Variants in PLAGL1 observed in about 807,000 individuals in gnomAD.
PLAGL1 encodes zinc finger protein PLAGL1.
In PLAGL1, 1 loss-of-function variant was observed where a neutral mutation model predicts 4.6. That is an observed-to-expected ratio of 0.22 (90% CI 0.08 to 1.03). The LOEUF (loss-of-function observed/expected upper bound fraction) is 1.03. PLAGL1 is among the 50% of genes least tolerant of loss of function. The probability of loss-of-function intolerance (pLI) is 0.58; values close to 1 mark genes in which losing one functional copy is unlikely to be tolerated. For missense variants in PLAGL1, 464 were observed against 570.4 expected, an observed-to-expected ratio of 0.81 and a Z score of 1.90; for synonymous variants, 240 against 237.8, an observed-to-expected ratio of 1.01 and a Z score of -0.08.
Position 144,050,763 on chromosome 6 carries a change from G to T in PLAGL1, c.-151+13705C>A, listed in dbSNP as rs1393933471. Among the ~76,000 whole-genome samples, 5 of 152,082 alleles carry T rather than the reference G, an allele frequency of 3.3e-5. No individual in the cohort carries two copies. On this transcript the variant is annotated intron_variant, in intron 1 of 3. Coordinates refer to the PLAGL1 transcript ENST00000437412. The surrounding 1 kb of genome is among the most constrained non-coding windows in gnomAD (Gnocchi z 4.3). ...TTTTTTTAAGTAAATCAGGTGTGGT[G>T]GCACATGCCTGTTGTCCCAGCTACT... is the stretch of plus-strand genomic sequence containing the variant.
chr6:143,964,698 CG>C lies in PLAGL1; in HGVS notation c.-399+88del, dbSNP rs1448939286. ...GACCTAGGGTGGAGGGGCGGGGTGG[CG>C]GGGAGGGCAGCAGGCTTATGCTTTA... On this transcript the variant is annotated intron_variant, in intron 5 of 7. Transcript: ENST00000674357. This position sits in a 1 kb window ranked among gnomAD's most constrained non-coding sequence, Gnocchi z 4.3. The C allele has an allele frequency of 5.1e-5, 1 of 19,782 alleles. No individual in the cohort carries two copies. Among genetic ancestry groups the C allele is most frequent in the Non-Finnish European group, 9.8e-5 (1 of 10,174 alleles). 1.2% of individuals were successfully genotyped at this position (19,782 alleles called of 1,614,324 possible). A position where few individuals can be genotyped will look rare whatever the true frequency, so the allele number is the denominator to read the frequency against.
At position 143,961,135 on chromosome 6, in the gene PLAGL1, C is replaced by T. The variant is rs185819984; in HGVS notation, c.-398-593G>A. The T allele has an allele frequency of 4.7e-4, 71 of 152,344 alleles. No individual in the cohort carries two copies. The highest frequency in any genetic ancestry group is 1.6e-3 in the African/African-American group (66 of 41,590). The allele number at this position is 152,344 out of a possible 1,614,324, so 9.4% of individuals were successfully genotyped here. On this transcript the variant is annotated intron_variant, in intron 5 of 7. Coordinates refer to ENST00000674357, the MANE Select transcript of PLAGL1 (RefSeq NM_001317162.2). The surrounding 1 kb of genome is among the most constrained non-coding windows in gnomAD (Gnocchi z 6.5). ...TGGCCACAGGGCAAATCAGTACAGA[C>T]TAAAACAGCATCACTGGGACCCCAG...
intron 2 of PLAGL1, among the ~76,000 whole-genome samples, chr6:143,977,124 C>A (rs71564458): frequency 2.9e-5 from 4 of 139,992 alleles, no homozygotes; most frequent in Non-Finnish European, 6.2e-5. Context: ...TTATCGACAT[C>A]CCCCACTAGA....
chr6:143,941,925 G>C lies in PLAGL1; in HGVS notation c.891C>G (p.Pro297=). The C allele has an allele frequency of 6.2e-7, 1 of 1,610,318 alleles. No individual in the cohort carries two copies. Among genetic ancestry groups the C allele is most frequent in the Non-Finnish European group, 8.5e-7 (1 of 1,177,588 alleles). Residue 297 remains proline (P), a synonymous_variant, in exon 8 of 8, where the codon CCC becomes CCG. Transcript: ENST00000674357. This position sits in a 1 kb window ranked among gnomAD's most constrained non-coding sequence, Gnocchi z 6.0. ...PSVSPGSPPP[P]LPNHKYNTTS... Reference sequence around the variant, plus strand: ...TGGTGTTGTACTTGTGATTGGGAAGGGGTGGCGGAGGAGAGCCAGGGGATA... The same window carrying C: ...TGGTGTTGTACTTGTGATTGGGAAGCGGTGGCGGAGGAGAGCCAGGGGATA...
Position 143,964,533 on chromosome 6 carries a change from C to G in PLAGL1, c.-399+254G>C, listed in dbSNP as rs1473754784. Among the ~76,000 whole-genome samples the G allele has an allele frequency of 1.3e-5, 2 of 152,174 alleles. No homozygotes were observed. The highest frequency in any genetic ancestry group is 2.4e-5 in the African/African-American group (1 of 41,444). ...TGAAATGCAGACTTGTGGGGCACCT[C>G]AATAAAGTGCAGAATCTTAGAACAG... On this transcript the variant is annotated intron_variant, in intron 5 of 7. Coordinates refer to ENST00000674357, the MANE Select transcript of PLAGL1 (RefSeq NM_001317162.2). This position sits in a 1 kb window ranked among gnomAD's most constrained non-coding sequence, Gnocchi z 4.3.
chr6:143,960,093 T>C lies in PLAGL1; in HGVS notation c.-325+376A>G, dbSNP rs1029685189. Among the ~76,000 whole-genome samples, 1 of 152,224 alleles carries C rather than the reference T, an allele frequency of 6.6e-6. No homozygotes were observed. Among genetic ancestry groups the C allele is most frequent in the Non-Finnish European group, 1.5e-5 (1 of 68,036 alleles). On this transcript the variant is annotated intron_variant, in intron 6 of 7. Coordinates refer to ENST00000674357, the MANE Select transcript of PLAGL1 (RefSeq NM_001317162.2). This position sits in a 1 kb window ranked among gnomAD's most constrained non-coding sequence, Gnocchi z 5.7. ...CTGCCACAAAGACAGGACAACCTCT[T>C]ACACATCTTATGTACACAAGTTAGG...
intron 1 of PLAGL1, among the ~76,000 whole-genome samples, chr6:144,030,354 T>C (rs1364632788): frequency 6.6e-6 from 1 of 152,106 alleles, no homozygotes; most frequent in Middle Eastern, 3.2e-3. Flanking sequence ...TTAAAATTTT[T>C]TTATTTCAAT....
chr6:143,942,784 ATTCT>A lies in PLAGL1; in HGVS notation c.153-125_153-122del. On this transcript the variant is annotated intron_variant, in intron 7 of 7. Coordinates refer to ENST00000674357, the MANE Select transcript of PLAGL1 (RefSeq NM_001317162.2). The surrounding 1 kb of genome is among the most constrained non-coding windows in gnomAD (Gnocchi z 7.6). Reference sequence around the variant, plus strand: ...TCTGGGTCTTGGTATAATTTTCAAAATTCTTTCATATATTTTCCAAATATATAAA... The same window carrying A: ...TCTGGGTCTTGGTATAATTTTCAAAATTCATATATTTTCCAAATATATAAA... 1 of 661,392 alleles carries A rather than the reference ATTCT, an allele frequency of 1.5e-6. No homozygotes were observed. 41.0% of individuals were successfully genotyped at this position (661,392 alleles called of 1,614,324 possible).
At chr6:143,974,790 T>TG (rs1228292527) in intron 2 of PLAGL1, among the ~76,000 whole-genome samples, 1 of 152,210 alleles carries the variant, frequency 6.6e-6, no homozygotes, top group East Asian at 1.9e-4. Context: ...CCTAGGCTTA[T>TG]GAGTAGAACT....
intron 1 of PLAGL1, among the ~76,000 whole-genome samples, chr6:144,037,969 T>A (rs1048390209): frequency 6.6e-6 from 1 of 152,112 alleles, no homozygotes; most frequent in African/African-American, 2.4e-5. Context: ...TAAAATGAAC[T>A]AACTCCCACC....
At chr6:143,986,936 C>T (rs957433516) in intron 1 of PLAGL1, among the ~76,000 whole-genome samples, 16 of 151,998 alleles carry the variant, frequency 1.1e-4, no homozygotes, top group Non-Finnish European at 1.8e-4. Context: ...GTTTGGTGTG[C>T]GTATAACCAA....
In PLAGL1 at chr6:144,062,178, C is replaced by T. The variant is rs1363993971; in HGVS notation, c.-151+2290G>A. Reference sequence around the variant, plus strand: ...AGATCACGAGGTCATGAGATGGAGACCATCCTGGCTAACACGGTGAAACCC... The same window carrying T: ...AGATCACGAGGTCATGAGATGGAGATCATCCTGGCTAACACGGTGAAACCC... On this transcript the variant is annotated intron_variant, in intron 1 of 3. Coordinates refer to the PLAGL1 transcript ENST00000437412. 2.6e-5 allele frequency among the ~76,000 whole-genome samples: 4 copies of T among 151,968 alleles called. No individual in the cohort carries two copies. In the East Asian group the frequency reaches 5.8e-4, roughly 22 times the overall value.
At chr6:144,041,064 CAT>C (rs1797687525) in intron 1 of PLAGL1, among the ~76,000 whole-genome samples, 1 of 152,008 alleles carries the variant, frequency 6.6e-6, no homozygotes, top group South Asian at 2.1e-4. Flanking sequence ...GTTTTGCAGA[CAT>C]ATGAGCTGAG....
Position 143,964,963 on chromosome 6 carries a change from T to A in PLAGL1, c.-430-145A>T, listed in dbSNP as rs1443646588. The A allele has an allele frequency of 6.6e-6, 1 of 152,118 alleles. No homozygotes were observed. Among genetic ancestry groups the A allele is most frequent in the African/African-American group, 2.4e-5 (1 of 41,400 alleles). 9.4% of individuals were successfully genotyped at this position (152,118 alleles called of 1,614,324 possible). A position where few individuals can be genotyped will look rare whatever the true frequency, so the allele number is the denominator to read the frequency against. ...AGAGCAGCTGGTGCTGCTGGAGTCA[T>A]GAGATCCAGGACACCCCCGTTTCCC... On this transcript the variant is annotated intron_variant, in intron 4 of 7. Transcript: ENST00000674357. The surrounding 1 kb of genome is among the most constrained non-coding windows in gnomAD (Gnocchi z 4.3).
chr6:143,974,121 T>G (rs1318460043), intron 2 of PLAGL1, among the ~76,000 whole-genome samples: 1 of 152,180 alleles, frequency 6.6e-6, no homozygotes, highest in African/African-American at 2.4e-5. Flanking sequence ...GGAACAAATA[T>G]AACTAAGAGG....
chr6:144,048,871 A>C lies in PLAGL1; in HGVS notation c.-151+15597T>G, dbSNP rs574739560. ...AAATAGGTTTTTCTTTTCTACTACA[A>C]GGTCGGGATGCATATTTTCCAAACT... On this transcript the variant is annotated intron_variant, in intron 1 of 3. Transcript: ENST00000437412. This position sits in a 1 kb window ranked among gnomAD's most constrained non-coding sequence, Gnocchi z 4.8. Among the ~76,000 whole-genome samples, 1 of 152,326 alleles carries C rather than the reference A, an allele frequency of 6.6e-6. No individual in the cohort carries two copies. Among genetic ancestry groups the C allele is most frequent in the South Asian group, 2.1e-4 (1 of 4,830 alleles).
rs1265186438 is a variant in PLAGL1, at chr6:143,990,869, T to G, written c.-583-5695A>C. ...ATATCTCATTGTTTTTCATTATTTT[T>G]AATTGAGAAAAAGGACCTTGCTTTG... On this transcript the variant is annotated intron_variant, in intron 1 of 7. Coordinates refer to ENST00000674357, the MANE Select transcript of PLAGL1 (RefSeq NM_001317162.2). The surrounding 1 kb of genome is among the most constrained non-coding windows in gnomAD (Gnocchi z 5.4). Among the ~76,000 whole-genome samples the G allele has an allele frequency of 6.6e-6, 1 of 152,218 alleles. No homozygotes were observed. Among genetic ancestry groups the G allele is most frequent in the Non-Finnish European group, 1.5e-5 (1 of 68,032 alleles).
chr6:144,053,283 C>T lies in PLAGL1; in HGVS notation c.-151+11185G>A, dbSNP rs897595484. Among the ~76,000 whole-genome samples the T allele has an allele frequency of 1.3e-5, 2 of 152,172 alleles. No homozygotes were observed. Among genetic ancestry groups the T allele is most frequent in the African/African-American group, 4.8e-5 (2 of 41,438 alleles). ...CTGAGTACCTGGGATTACAGGCATG[C>T]ACCATCATGCCGAGCTAATTTTTGT... is the stretch of plus-strand genomic sequence containing the variant. On this transcript the variant is annotated intron_variant, in intron 1 of 3. Transcript: ENST00000437412. The surrounding 1 kb of genome is among the most constrained non-coding windows in gnomAD (Gnocchi z 4.0).
chr6:143,948,805 C>T lies in PLAGL1; in HGVS notation c.-324-345G>A, dbSNP rs55924343. ...AACAACAACAACAAACAAAAACCTC[C>T]CTCCCTCAGTGTGTTCAAGTGTTTT... On this transcript the variant is annotated intron_variant, in intron 6 of 7. Transcript: ENST00000674357. The surrounding 1 kb of genome is among the most constrained non-coding windows in gnomAD (Gnocchi z 6.0). 1.5e-3 allele frequency among the ~76,000 whole-genome samples: 214 copies of T among 143,540 alleles called. No individual in the cohort carries two copies. Among genetic ancestry groups the T allele is most frequent in the African/African-American group, 5.2e-3 (198 of 37,816 alleles). The allele number at this position is 143,540 out of a possible 152,430, so 94.2% of individuals were successfully genotyped here.
Sources: allele counts gnomAD v4.1 joint callset (sites outside exome capture counted in the v4.1 genomes callset), GRCh38; gene constraint gnomAD v4.1.1; non-coding constraint Gnocchi (gnomAD v3.1); transcripts MANE v1.5; gene names NCBI Gene and HGNC (gene_info 2026-07-23, HGNC 2026-07-21).